Variants in DGKZ observed in about 807,000 individuals in gnomAD.
DGKZ encodes DAG kinase zeta.
A neutral mutation model predicts 142.5 loss-of-function variants in DGKZ; 45 were observed. The observed-to-expected ratio is 0.32, with a 90% confidence interval of 0.25 to 0.40. The LOEUF is 0.40. Among genes scored for constraint, DGKZ ranks in the 10% least tolerant of loss-of-function variants. DGKZ has a pLI of 1.00. For missense variants in DGKZ, 755 were observed against 1,306.5 expected, an observed-to-expected ratio of 0.58 and a Z score of 6.51; for synonymous variants, 442 against 527.0, an observed-to-expected ratio of 0.84 and a Z score of 2.21.
rs1398465943 is a variant in DGKZ, at chr11:46,367,662, C to T, written c.281C>T (p.Thr94Ile). Reference sequence around the variant, plus strand: ...CCATCCCGTGGCTAGGAGTCAGCGACATATGGGGAGCACATCTGGTTCGAG... The same window carrying T: ...CCATCCCGTGGCTAGGAGTCAGCGATATATGGGGAGCACATCTGGTTCGAG... The change falls in exon 3 of 31, where the codon ACA (threonine) becomes ATA (isoleucine). Residue 94 changes from threonine to isoleucine, a missense_variant. Thr to Ile is a moderately conservative substitution (Grantham distance 89). This residue lies in a region of DGKZ where 81 missense variants were observed against 86.5 expected (regional missense o/e 0.94). Coordinates refer to ENST00000527911, the Ensembl canonical transcript of DGKZ. This position sits in a 1 kb window ranked among gnomAD's most constrained non-coding sequence, Gnocchi z 4.1. 3.7e-6 allele frequency: 6 copies of T among 1,602,862 alleles called. No individual in the cohort carries two copies. Among genetic ancestry groups the T allele is most frequent in the Admixed American group, 1.7e-5 (1 of 59,772 alleles).
chr11:46,366,433 C>A, intron 1 of DGKZ: 1 of 1,545,544 alleles, frequency 6.5e-7, no homozygotes, highest in Non-Finnish European at 8.7e-7. Flanking sequence ...TCCAGGGCTG[C>A]CTCCTGAGTT....
chr11:46,371,990 C>A, intron 9 of DGKZ, 85 bp from the exon 10 acceptor site: 1 of 1,388,608 alleles, frequency 7.2e-7, no homozygotes, highest in African/African-American at 1.4e-5. Context: ...AAAGAGGGAA[C>A]AAAGTCACCC....
At chr11:46,369,446 C>T in intron 4 of DGKZ, 48 bp from the exon 5 acceptor site, 1 of 1,611,588 alleles carries the variant, frequency 6.2e-7, no homozygotes, top group Non-Finnish European at 8.5e-7. Context: ...CATACCTGAC[C>T]CCGAAGGGAG....
intron 1 of DGKZ, among the ~76,000 whole-genome samples, chr11:46,349,185 C>A (rs1361198266): frequency 6.6e-6 from 1 of 152,248 alleles, no homozygotes; most frequent in Non-Finnish European, 1.5e-5. Context: ...GCTCCGTGGG[C>A]TCCTGTGTTA....
In DGKZ at chr11:46,367,841, C is replaced by G. The variant is rs759446436; in HGVS notation, c.366+94C>G. The G allele has an allele frequency of 2.6e-6, 4 of 1,557,234 alleles. No individual in the cohort carries two copies. Among genetic ancestry groups the G allele is most frequent in the Non-Finnish European group, 3.5e-6 (4 of 1,132,874 alleles). On this transcript the variant is annotated intron_variant, in intron 3 of 30. Transcript: ENST00000527911. This position sits in a 1 kb window ranked among gnomAD's most constrained non-coding sequence, Gnocchi z 4.1. Reference sequence around the variant, plus strand: ...GGGATTGAGCCCGCTCCCTGGCACCCCTGCTGTGGGCCGCCCCAGGATGGT... The same window carrying G: ...GGGATTGAGCCCGCTCCCTGGCACCGCTGCTGTGGGCCGCCCCAGGATGGT...
At chr11:46,344,348 C>T (rs147248160), upstream of DGKZ, among the ~76,000 whole-genome samples, 4 of 152,170 alleles carry the variant, frequency 2.6e-5, no homozygotes, top group East Asian at 5.8e-4. Context: ...TTCTCCGATA[C>T]GGTGCCTGAT....
chr11:46,371,246 C>T, intron 6 of DGKZ, 67 bp from the exon 7 acceptor site: 3 of 1,494,100 alleles, frequency 2.0e-6, no homozygotes, highest in Non-Finnish European at 2.8e-6. Context: ...GAGGCTGGCA[C>T]CAGGAGAGGG....
In DGKZ at chr11:46,369,847, C is replaced by T; in HGVS notation, c.502-94C>T. 4.4e-6 allele frequency: 6 copies of T among 1,367,608 alleles called. No individual in the cohort carries two copies. In the South Asian group the frequency reaches 5.9e-5, roughly 13 times the overall value. The allele number at this position is 1,367,608 out of a possible 1,614,324, so 84.7% of individuals were successfully genotyped here. The stretch of plus-strand genomic sequence containing the variant: ...TCATGCGCAGGACTGCAGAGCGCTT[C>T]CTGCAGCCCCGTGTGTTGAGCCGTG... On this transcript the variant is annotated intron_variant, in intron 5 of 30. Coordinates refer to ENST00000527911, the Ensembl canonical transcript of DGKZ.
At chr11:46,341,167 C>T (rs1004168993) in intron 1 of DGKZ, among the ~76,000 whole-genome samples, 17 of 152,246 alleles carry the variant, frequency 1.1e-4, no homozygotes, top group Middle Eastern at 3.4e-3. Context: ...CATGTCTCAC[C>T]ATGGCCACTT....
intron 27 of DGKZ, 42 bp downstream of exon 27, chr11:46,378,542 T>A: frequency 6.2e-7 from 1 of 1,612,732 alleles, no homozygotes; most frequent in Non-Finnish European, 8.5e-7. Flanking sequence ...AGCAGCTCCC[T>A]CGGGCCCTGG....
At chr11:46,368,362 A>G (rs1943564149) in intron 4 of DGKZ, 1 of 461,414 alleles carries the variant, frequency 2.2e-6, no homozygotes, top group South Asian at 2.0e-5. Context: ...GTACCATTTC[A>G]CCATGTCCAA....
chr11:46,378,353 G>T (rs916234122), intron 26 of DGKZ, 104 bp from the exon 27 acceptor site: 1 of 1,541,430 alleles, frequency 6.5e-7, no homozygotes, highest in African/African-American at 1.4e-5. Flanking sequence ...ACGCACCAAC[G>T]GAGCCCTGGG....
intron 1 of DGKZ, among the ~76,000 whole-genome samples, chr11:46,354,479 A>T (rs1004009387): frequency 6.6e-6 from 1 of 152,194 alleles, no homozygotes; most frequent in Non-Finnish European, 1.5e-5. Context: ...TACAGGCCTG[A>T]GCCACTGTGC....
At chr11:46,371,449 A>G in intron 7 of DGKZ, 38 bp from the exon 8 acceptor site, 1 of 1,606,102 alleles carries the variant, frequency 6.2e-7, no homozygotes. Flanking sequence ...CCGAGTCTGA[A>G]CACGGTCCCG....
At chr11:46,375,620 C>A (rs924601676) in exon 20 of DGKZ, 2 of 1,569,314 alleles carry the variant, frequency 1.3e-6, no homozygotes, top group South Asian at 1.2e-5. Context: ...GCGCCGCCCC[C>A]CTGCACAGCG....
At chr11:46,365,969 G>A in intron 1 of DGKZ, 1 of 985,250 alleles carries the variant, frequency 1.0e-6, no homozygotes, top group East Asian at 1.1e-4. Context: ...GGGACTCCAG[G>A]GCTCCCTAGG....
At chr11:46,378,957 G>A in intron 27 of DGKZ, 34 bp from the exon 28 acceptor site, 1 of 1,508,340 alleles carries the variant, frequency 6.6e-7, no homozygotes, top group Middle Eastern at 2.5e-4. Context: ...GGTGGCCCCA[G>A]GAGGTCCAGC....
intron 24 of DGKZ, chr11:46,376,776 G>A (rs1054158849): frequency 7.1e-5 from 51 of 722,480 alleles, no homozygotes; most frequent in Non-Finnish European, 1.1e-4. Context: ...AGGCAGTGGG[G>A]TACCTACCAA....
intron 1 of DGKZ, chr11:46,361,710 A>C (rs1942670543): frequency 1.0e-6 from 1 of 983,500 alleles, no homozygotes; most frequent in South Asian, 4.7e-5. Context: ...AGATCAGGTC[A>C]AAAGGGGCCC....
Sources: allele counts gnomAD v4.1 joint callset (sites outside exome capture counted in the v4.1 genomes callset), GRCh38; gene constraint gnomAD v4.1.1; regional missense constraint gnomAD v4.1.1; non-coding constraint Gnocchi (gnomAD v3.1); transcripts MANE v1.5; gene names NCBI Gene and HGNC (gene_info 2026-07-23, HGNC 2026-07-21).